TDP1: variants seen among roughly 807,000 people sequenced by gnomAD.
The protein encoded by TDP1 is tyrosyl-DNA phosphodiesterase 1.
In TDP1, 64 loss-of-function variants were observed where a neutral mutation model predicts 81.5. The ratio of observed to expected loss-of-function variants is 0.79; its 90% CI spans 0.64 to 0.97. The LOEUF (loss-of-function observed/expected upper bound fraction) is 0.97. Ranked by LOEUF, TDP1 falls within the 50% of genes least tolerant of loss-of-function variation. TDP1 has a pLI of 0.00. For missense variants in TDP1, 723 were observed against 743.8 expected (o/e 0.97, Z 0.33); for synonymous variants, 256 against 264.3 (o/e 0.97, Z 0.30).
At chr14:90,010,325 T>C (rs1223768348) in intron 14 of TDP1, among the ~76,000 whole-genome samples, 1 of 152,220 alleles carries the variant, frequency 6.6e-6, no homozygotes, top group Non-Finnish European at 1.5e-5. Context: ...AACAAAGTTA[T>C]AACTGGGCAA....
At chr14:89,992,073 C>T (rs958762241) in intron 13 of TDP1, 90 bp downstream of exon 13, 2 of 1,067,784 alleles carry the variant, frequency 1.9e-6, no homozygotes, top group African/African-American at 1.6e-5. Flanking sequence ...TTAAAAGGAA[C>T]TTTATGTAAT....
intron 14 of TDP1, among the ~76,000 whole-genome samples, chr14:90,011,583 C>T (rs1884709925): frequency 6.6e-6 from 1 of 152,136 alleles, no homozygotes; most frequent in Non-Finnish European, 1.5e-5. Flanking sequence ...TTGTTGGGAA[C>T]TGGGGCATAG....
At chr14:90,011,561 G>A (rs903039056) in intron 14 of TDP1, among the ~76,000 whole-genome samples, 2 of 152,218 alleles carry the variant, frequency 1.3e-5, no homozygotes, top group Admixed American at 6.5e-5. Flanking sequence ...TTCCCAGATG[G>A]AGATGAGAAA....
intron 14 of TDP1, among the ~76,000 whole-genome samples, chr14:90,017,014 C>A (rs983085779): frequency 6.6e-6 from 1 of 152,104 alleles, no homozygotes; most frequent in African/African-American, 2.4e-5. Flanking sequence ...GAAAAAAGAA[C>A]AATGGAAGAG....
rs2140364178 is a variant in TDP1, at chr14:90,043,236, CT to C, written c.*95del. ...ACTGGATGTCCACTTCCCTTAAAGT[CT>C]TATTTGCACCCTTACAAAATCTTTC... On this transcript the variant is annotated 3_prime_UTR_variant, in exon 17 of 17. Coordinates refer to ENST00000335725, the MANE Select transcript of TDP1 (RefSeq NM_018319.4). 1 of 1,488,932 alleles carries C rather than the reference CT, an allele frequency of 6.7e-7. No homozygotes were observed. Among genetic ancestry groups the C allele is most frequent in the Admixed American group, 1.8e-5 (1 of 56,048 alleles). The allele number at this position is 1,488,932 out of a possible 1,614,324, so 92.2% of individuals were successfully genotyped here.
chr14:89,995,155 G>A (rs559455962), intron 14 of TDP1, among the ~76,000 whole-genome samples: 40 of 152,306 alleles, frequency 2.6e-4, no homozygotes, highest in Non-Finnish European at 5.1e-4. Flanking sequence ...GTAATAACTG[G>A]ACTGAAAGCT....
chr14:90,030,783 T>TTC (rs1887187745), intron 15 of TDP1, among the ~76,000 whole-genome samples: 1 of 151,954 alleles, frequency 6.6e-6, no homozygotes, highest in African/African-American at 2.4e-5. Flanking sequence ...TTTTTTTTTT[T>TTC]GAGATGGAGT....
At chr14:90,013,832 G>A (rs1884999211) in intron 14 of TDP1, among the ~76,000 whole-genome samples, 1 of 152,116 alleles carries the variant, frequency 6.6e-6, no homozygotes, top group African/African-American at 2.4e-5. Context: ...TTTATAAGAG[G>A]AAACCTCTTT....
At chr14:89,985,780 G>A (rs1350195710) in intron 10 of TDP1, among the ~76,000 whole-genome samples, 2 of 152,118 alleles carry the variant, frequency 1.3e-5, no homozygotes, top group Non-Finnish European at 2.9e-5. Context: ...TGTAATCCCA[G>A]CATTTTGGGA....
At chr14:90,029,759 A>G (rs978334153) in intron 15 of TDP1, among the ~76,000 whole-genome samples, 2 of 152,286 alleles carry the variant, frequency 1.3e-5, no homozygotes, top group Non-Finnish European at 2.9e-5. Flanking sequence ...TTGGCCTCCC[A>G]AAGTGCTGGG....
chr14:89,975,888 G>A, intron 7 of TDP1, 73 bp downstream of exon 7: 1 of 1,275,884 alleles, frequency 7.8e-7, no homozygotes, highest in Admixed American at 1.7e-5. Flanking sequence ...ATTCTTAGGA[G>A]AGACTGAGCA....
Position 89,980,558 on chromosome 14 carries a change from C to T in TDP1, c.810C>T (p.Leu270=). The T allele has an allele frequency of 1.9e-6, 3 of 1,614,148 alleles. No homozygotes were observed. The highest frequency in any genetic ancestry group is 1.1e-5 in the South Asian group (1 of 91,080). The change falls in exon 8 of 17, where the codon CTC becomes CTT. Residue 270 remains leucine, a synonymous_variant. Coordinates refer to ENST00000335725, the MANE Select transcript of TDP1 (RefSeq NM_018319.4). ...TTTAAAGGAAAATGATGCTGCTGCTCTATGAAGAAGGCCTCCGGGTTGTCA... is the reference window on the plus strand; with the variant it reads ...TTTAAAGGAAAATGATGCTGCTGCTTTATGAAGAAGGCCTCCGGGTTGTCA... The part of the protein sequence containing the change: ...GTHHTKMMLL[L]YEEGLRVVIH...
chr14:90,014,078 A>C (rs980744889), intron 14 of TDP1, among the ~76,000 whole-genome samples: 6 of 152,196 alleles, frequency 3.9e-5, no homozygotes, highest in African/African-American at 1.4e-4. Flanking sequence ...TATAAATTAG[A>C]TATATTTTGC....
chr14:89,958,999 G>C (rs1459914434), intron 2 of TDP1, among the ~76,000 whole-genome samples: 2 of 152,178 alleles, frequency 1.3e-5, no homozygotes, highest in African/African-American at 4.8e-5. Context: ...CCTGCTATTT[G>C]TTCAAAATCA....
chr14:89,963,495 T>C lies in TDP1; in HGVS notation c.381T>C (p.Thr127=). The change falls in exon 3 of 17, where the codon ACT becomes ACC. Residue 127 remains threonine, a synonymous_variant. Coordinates refer to ENST00000335725, the MANE Select transcript of TDP1 (RefSeq NM_018319.4). ...SAPNDGTAQR[T]ENHGAPACHR... ...CCAATGACGGCACTGCCCAAAGAACTGAAAATCATGGCGCTCCCGCCTGCC... is the reference window on the plus strand; with the variant it reads ...CCAATGACGGCACTGCCCAAAGAACCGAAAATCATGGCGCTCCCGCCTGCC... 6.2e-7 allele frequency: 1 copy of C among 1,603,750 alleles called. No homozygotes were observed. Among genetic ancestry groups the C allele is most frequent in the Non-Finnish European group, 8.5e-7 (1 of 1,174,602 alleles).
In TDP1 at chr14:89,984,641, A is replaced by G. The variant is rs1566873353; in HGVS notation, c.1010A>G (p.Glu337Gly). 1 of 1,614,138 alleles carries G rather than the reference A, an allele frequency of 6.2e-7. No homozygotes were observed. The highest frequency in any genetic ancestry group is 8.5e-7 in the Non-Finnish European group (1 of 1,180,034). The stretch of plus-strand genomic sequence containing the variant: ...GCTTATAATGCCCCTTCTCTCAAGG[A>G]GTGGATAGATGTCATTCACAAGCAC... ...LMAYNAPSLK[E>G]WIDVIHKHDL... is the part of the protein sequence containing the mutation. Residue 337 changes from glutamate to glycine, a missense_variant, in exon 9 of 17, where the codon GAG becomes GGG. Transcript: ENST00000335725.
intron 14 of TDP1, among the ~76,000 whole-genome samples, chr14:90,001,287 C>G (rs1376321263): frequency 5.3e-5 from 8 of 151,776 alleles, no homozygotes; most frequent in Non-Finnish European, 7.4e-5. Flanking sequence ...TTTTCATTTC[C>G]TCTCTTTCAT....
chr14:90,017,250 C>G (rs962813003), intron 14 of TDP1, among the ~76,000 whole-genome samples: 1 of 152,160 alleles, frequency 6.6e-6, no homozygotes, highest in African/African-American at 2.4e-5. Flanking sequence ...CCCTCCCTGC[C>G]TCCCAACCCC....
chr14:90,032,413 G>A (rs1887383232), intron 15 of TDP1, among the ~76,000 whole-genome samples: 1 of 152,016 alleles, frequency 6.6e-6, no homozygotes, highest in Non-Finnish European at 1.5e-5. Flanking sequence ...GATGATCCAC[G>A]AAGGGGCAGG....
Sources: gnomAD v4.1 joint callset for allele counts (sites outside exome capture counted in the v4.1 genomes callset) on GRCh38, gnomAD v4.1.1 for gene constraint, MANE v1.5 for transcripts, NCBI Gene and HGNC (gene_info 2026-07-23, HGNC 2026-07-21) for gene names.